The following PSD3 variants were observed in gnomAD, a reference collection of about 807,000 sequenced individuals.
PSD3 encodes pleckstrin and Sec7 domain containing 3.
A neutral mutation model predicts 105.5 loss-of-function variants in PSD3; 49 were observed. That is an observed-to-expected ratio of 0.46 (90% CI 0.37 to 0.59). The LOEUF is 0.59. PSD3 is among the 20% of genes least tolerant of loss of function. The pLI is 0.00. For synonymous variants in PSD3, 557 were observed against 457.8 expected, an observed-to-expected ratio of 1.22 and a Z score of -2.77; for missense variants, 1,561 against 1,263.8, an observed-to-expected ratio of 1.24 and a Z score of -3.57.
rs60959047 is a variant in PSD3, at chr8:18,673,895, G to A, written c.2173-18210C>T. Among the ~76,000 whole-genome samples, 934 of 152,146 alleles carry A rather than the reference G, an allele frequency of 6.1e-3. 8 individuals carry two copies. Among genetic ancestry groups the A allele is most frequent in the African/African-American group, 0.022 (896 of 41,518 alleles). Reference sequence around the variant, plus strand: ...GCTGGCTCATACCTGTAATCCCAACGATTTGGGAGGCCAAGGCAGGAGGAT... The same window carrying A: ...GCTGGCTCATACCTGTAATCCCAACAATTTGGGAGGCCAAGGCAGGAGGAT... On this transcript the variant is annotated intron_variant, in intron 9 of 15. Transcript: ENST00000327040.
intron 1 of PSD3, among the ~76,000 whole-genome samples, chr8:19,046,842 T>C (rs1026981872): frequency 6.6e-6 from 1 of 152,182 alleles, no homozygotes. Flanking sequence ...GCAAGTGAAA[T>C]AGTTTGTCCT....
chr8:18,619,749 C>T (rs972998064), intron 11 of PSD3, among the ~76,000 whole-genome samples: 3 of 152,088 alleles, frequency 2.0e-5, no homozygotes, highest in Non-Finnish European at 4.4e-5. Flanking sequence ...CCTGGTATAA[C>T]GTGGCTTACT....
intron 11 of PSD3, among the ~76,000 whole-genome samples, chr8:18,613,918 G>A (rs748070136): frequency 2.6e-5 from 4 of 152,152 alleles, no homozygotes; most frequent in Admixed American, 6.5e-5. Context: ...GTGCTAAGCC[G>A]GCCGCCTCCA....
intron 11 of PSD3, among the ~76,000 whole-genome samples, chr8:18,626,179 A>T (rs1001010814): frequency 6.6e-6 from 1 of 152,090 alleles, no homozygotes; most frequent in African/African-American, 2.4e-5. Flanking sequence ...TTTAAAAGGC[A>T]AAAAATGAAG....
intron 4 of PSD3, among the ~76,000 whole-genome samples, chr8:18,811,845 A>G (rs1197248884): frequency 6.6e-6 from 1 of 152,170 alleles, no homozygotes; most frequent in Admixed American, 6.5e-5. Context: ...AGTCTTTAAT[A>G]TGTAAGTTTT....
chr8:18,539,086 T>A (rs1426611740), intron 15 of PSD3, among the ~76,000 whole-genome samples: 1 of 152,218 alleles, frequency 6.6e-6, no homozygotes, highest in Non-Finnish European at 1.5e-5. Flanking sequence ...TGAGTCTAGA[T>A]TTTACTGAAC....
chr8:18,725,158 C>G (rs549436477), intron 9 of PSD3, among the ~76,000 whole-genome samples: 1 of 152,280 alleles, frequency 6.6e-6, no homozygotes, highest in East Asian at 1.9e-4. Flanking sequence ...CTGGAGTAAG[C>G]CTCTACTCCA....
At chr8:18,716,247 T>C (rs1354360395) in intron 9 of PSD3, among the ~76,000 whole-genome samples, 1 of 152,222 alleles carries the variant, frequency 6.6e-6, no homozygotes, top group Non-Finnish European at 1.5e-5. Flanking sequence ...TTACCACTCA[T>C]GGTCCACACT....
intron 9 of PSD3, among the ~76,000 whole-genome samples, chr8:18,731,043 A>T (rs920747268): frequency 4.0e-5 from 6 of 151,672 alleles, no homozygotes; most frequent in African/African-American, 1.5e-4. Context: ...TCCCCCACAA[A>T]ATAAACACTC....
intron 1 of PSD3, among the ~76,000 whole-genome samples, chr8:19,031,928 T>C (rs1827785817): frequency 6.6e-6 from 1 of 152,210 alleles, no homozygotes; most frequent in Non-Finnish European, 1.5e-5. Context: ...AGAAACATCA[T>C]AATATTTTAC....
At chr8:18,882,250 GC>G (rs757688799) in intron 2 of PSD3, among the ~76,000 whole-genome samples, 1 of 152,004 alleles carries the variant, frequency 6.6e-6, no homozygotes, top group Non-Finnish European at 1.5e-5. Flanking sequence ...TAAGACAGAA[GC>G]AAAAAAGCAG....
At chr8:19,054,661 G>GAA (rs1828648511) in intron 1 of PSD3, among the ~76,000 whole-genome samples, 1 of 152,038 alleles carries the variant, frequency 6.6e-6, no homozygotes, top group Admixed American at 6.6e-5. Context: ...CATATTTTTG[G>GAA]TAAACTTCAT....
chr8:18,700,991 G>A (rs1465433605), intron 9 of PSD3, among the ~76,000 whole-genome samples: 1 of 152,064 alleles, frequency 6.6e-6, no homozygotes, highest in African/African-American at 2.4e-5. Flanking sequence ...TTTTGAGACA[G>A]GGTGTTACTC....
chr8:18,901,364 T>G (rs1819492401), intron 2 of PSD3, among the ~76,000 whole-genome samples: 1 of 152,214 alleles, frequency 6.6e-6, no homozygotes, highest in Admixed American at 6.5e-5. Context: ...TGGGTCATGT[T>G]TTTTCATCCA....
intron 2 of PSD3, among the ~76,000 whole-genome samples, chr8:18,876,658 C>T (rs952101660): frequency 1.3e-5 from 2 of 152,174 alleles, no homozygotes; most frequent in African/African-American, 2.4e-5. Flanking sequence ...CCTCGGCCTC[C>T]TAAAGCGCTG....
At chr8:19,018,236 T>C (rs1028842433), upstream of PSD3, among the ~76,000 whole-genome samples, 2 of 152,200 alleles carry the variant, frequency 1.3e-5, no homozygotes, top group Admixed American at 1.3e-4. Flanking sequence ...TTACTGATAA[T>C]AACATTTACA....
At chr8:19,069,760 G>A (rs375600782) in intron 1 of PSD3, among the ~76,000 whole-genome samples, 24 of 152,226 alleles carry the variant, frequency 1.6e-4, no homozygotes, top group East Asian at 5.8e-4. Context: ...CAGCTAGCTG[G>A]ACTTCAAAAC....
intron 15 of PSD3, among the ~76,000 whole-genome samples, chr8:18,550,695 C>G (rs149629658): frequency 0.012 from 1,855 of 152,250 alleles, 108 homozygotes; most frequent in Admixed American, 0.097. Context: ...ATACTAAAAA[C>G]TGTACTGAAA....
chr8:18,626,718 T>C (rs1806507790), intron 11 of PSD3, among the ~76,000 whole-genome samples: 2 of 152,128 alleles, frequency 1.3e-5, no homozygotes, highest in South Asian at 4.1e-4. Flanking sequence ...AATTAAGGCA[T>C]TCTGGTAGAT....
Sources: gnomAD v4.1 joint callset for allele counts (sites outside exome capture counted in the v4.1 genomes callset) on GRCh38, gnomAD v4.1.1 for gene constraint, MANE v1.5 for transcripts, NCBI Gene and HGNC (gene_info 2026-07-23, HGNC 2026-07-21) for gene names.